The following CEP76 variants were observed in gnomAD, a reference collection of about 807,000 sequenced individuals.
CEP76 encodes centrosomal protein 76.
CEP76 carries 55 observed loss-of-function variants against 83.3 expected under a neutral mutation model. The ratio of observed to expected loss-of-function variants is 0.66; its 90% CI spans 0.53 to 0.83. The LOEUF is 0.83. Among genes scored for constraint, CEP76 ranks in the 40% least tolerant of loss-of-function variants. CEP76 has a pLI of 0.00. For missense variants in CEP76, 694 were observed against 799.5 expected (o/e 0.87, Z 1.59); for synonymous variants, 270 against 274.5 (o/e 0.98, Z 0.16).
Position 12,674,576 on chromosome 18 carries a change from C to T in CEP76, c.1801G>A (p.Val601Met), listed in dbSNP as rs1329590879. ...HTFKGFPIHFVYRNARRAFAT... is the reference protein window; with the variant it reads ...HTFKGFPIHFMYRNARRAFAT... ...AATGCACGTCTTGCATTTCTATACA[C>T]AAAATGTATTGGGAACCCTTTAAAT... Residue 601 changes from valine (V) to methionine (M), a missense_variant, in exon 11 of 12, where the codon GTG becomes ATG. Transcript: ENST00000262127. 1.2e-6 allele frequency: 2 copies of T among 1,613,964 alleles called. No individual in the cohort carries two copies. The highest frequency in any genetic ancestry group is 2.2e-5 in the South Asian group (2 of 91,074).
chr18:12,662,209 T>C, intron 12 of CEP76: 1 of 444,110 alleles, frequency 2.3e-6, no homozygotes, highest in South Asian at 1.6e-5. Flanking sequence ...AAAAACAGCA[T>C]ATTTTTTAAT....
At chr18:12,698,525 C>T (rs1354674865) in intron 4 of CEP76, among the ~76,000 whole-genome samples, 2 of 152,150 alleles carry the variant, frequency 1.3e-5, no homozygotes, top group Non-Finnish European at 2.9e-5. Context: ...GTCTTGAACT[C>T]CTGGCTTCAA....
At chr18:12,688,057 CAT>C (rs1183782618) in intron 7 of CEP76, among the ~76,000 whole-genome samples, 42 of 151,790 alleles carry the variant, frequency 2.8e-4, no homozygotes, top group African/African-American at 9.2e-4. Flanking sequence ...TCCTGGCTAA[CAT>C]GGTGAAACCC....
Position 12,678,380 on chromosome 18 carries a change from TAC to T in CEP76, c.1350_1351del (p.Tyr451ProfsTer22). ...AACACAACCAATTGTTCGATATGGG[TAC>T]AGTGGTTTGGGCTGTTCAGCAACTG... On this transcript the variant is annotated frameshift_variant, in exon 10 of 12. Coordinates refer to ENST00000262127, the MANE Select transcript of CEP76 (RefSeq NM_024899.4). LOFTEE classifies it high-confidence loss of function. 1 of 1,614,160 alleles carries T rather than the reference TAC, an allele frequency of 6.2e-7. No individual in the cohort carries two copies. Among genetic ancestry groups the T allele is most frequent in the Non-Finnish European group, 8.5e-7 (1 of 1,180,034 alleles).
At chr18:12,698,773 A>T in intron 4 of CEP76, 1 of 562,476 alleles carries the variant, frequency 1.8e-6, no homozygotes, top group Non-Finnish European at 3.2e-6. Context: ...GAAAACAGTC[A>T]AAAAATAATA....
rs1430656417 is a variant in CEP76 at position 12,673,374 on chromosome 18, C to T, written c.1971G>A (p.Ser657=). Residue 657 remains serine, a synonymous_variant, in exon 12 of 12, where the codon TCG becomes TCA. Transcript: ENST00000262127. ...TATATAAATATTGGCCCTATAATAC[C>T]GAGCGATATTTACAAGCAAACATGA... The part of the protein sequence containing the change: ...VWIMFACKYR[S]VL The T allele has an allele frequency of 5.6e-6, 9 of 1,603,842 alleles. No individual in the cohort carries two copies. Among genetic ancestry groups the T allele is most frequent in the Admixed American group, 1.7e-5 (1 of 57,862 alleles).
intron 6 of CEP76, among the ~76,000 whole-genome samples, chr18:12,693,253 T>G (rs1257238538): frequency 1.3e-5 from 2 of 152,042 alleles, no homozygotes; most frequent in Admixed American, 1.3e-4. Flanking sequence ...TATAAAATAA[T>G]GTTAAGTTTA....
downstream of CEP76, chr18:12,670,790 G>A (rs2144965747): frequency 6.6e-6 from 1 of 152,058 alleles, no homozygotes; most frequent in East Asian, 1.9e-4. Context: ...TGGGACCACA[G>A]GTGTGCACGA....
At chr18:12,702,266 C>T (rs527799483) in intron 1 of CEP76, among the ~76,000 whole-genome samples, 1 of 152,248 alleles carries the variant, frequency 6.6e-6, no homozygotes, top group Non-Finnish European at 1.5e-5. Flanking sequence ...CGTTCTATCG[C>T]CCCAGACTCT....
downstream of CEP76, among the ~76,000 whole-genome samples, chr18:12,669,410 C>A (rs1303425523): frequency 6.6e-6 from 1 of 151,962 alleles, no homozygotes; most frequent in Non-Finnish European, 1.5e-5. Context: ...CCGCGCCTGG[C>A]CCCAATTTTT....
chr18:12,701,005 G>A lies in CEP76; in HGVS notation c.172C>T (p.Arg58Cys), dbSNP rs927393995. ...STEDLIKALR[R>C]RGIIDDVMKE... ...ATCACATCGTCAATGATTCCTCGACGTCTAAGGGCTTTGATCAAATCTTCT... is the reference window on the plus strand; with the variant it reads ...ATCACATCGTCAATGATTCCTCGACATCTAAGGGCTTTGATCAAATCTTCT... The change falls in exon 2 of 12, where the codon CGT (arginine) becomes TGT (cysteine). Residue 58 changes from arginine to cysteine, a missense_variant. Arg to Cys is a radical substitution (Grantham distance 180). Coordinates refer to ENST00000262127, the MANE Select transcript of CEP76 (RefSeq NM_024899.4). 2 of 1,613,790 alleles carry A rather than the reference G, an allele frequency of 1.2e-6. No homozygotes were observed. The highest frequency in any genetic ancestry group is 8.5e-7 in the Non-Finnish European group (1 of 1,179,820).
intron 7 of CEP76, among the ~76,000 whole-genome samples, chr18:12,690,590 C>T (rs559226039): frequency 2.0e-5 from 3 of 151,974 alleles, no homozygotes; most frequent in South Asian, 2.1e-4. Context: ...CGAGTAGCTG[C>T]GACTATAGGA....
At chr18:12,694,508 C>T (rs1238717752) in intron 6 of CEP76, among the ~76,000 whole-genome samples, 3 of 152,142 alleles carry the variant, frequency 2.0e-5, no homozygotes, top group Non-Finnish European at 4.4e-5. Flanking sequence ...AGTAATTCAT[C>T]AGAGACCTGA....
At chr18:12,691,709 A>ATTTTTTTTT (rs537984227) in intron 6 of CEP76, among the ~76,000 whole-genome samples, 1 of 140,300 alleles carries the variant, frequency 7.1e-6, no homozygotes, top group Non-Finnish European at 1.5e-5. Flanking sequence ...CAAAGACAGA[A>ATTTTTTTTT]TTTTTTTTTT....
intron 11 of CEP76, among the ~76,000 whole-genome samples, chr18:12,673,824 T>G (rs1019372506): frequency 2.0e-5 from 3 of 152,144 alleles, no homozygotes; most frequent in African/African-American, 7.2e-5. Flanking sequence ...GAGGTTGCAG[T>G]GAGCCAAGAA....
At chr18:12,677,618 CAT>C (rs1276458882) in intron 10 of CEP76, among the ~76,000 whole-genome samples, 25 of 152,000 alleles carry the variant, frequency 1.6e-4, no homozygotes, top group African/African-American at 6.0e-4. Flanking sequence ...ACCCAGTATA[CAT>C]ATTTTTTCTT....
rs771255279 is a variant in CEP76, at chr18:12,695,282, G to C, written c.776C>G (p.Thr259Arg). The stretch of plus-strand genomic sequence containing the variant: ...TGTGTTCACTACTTCTTGAGATAAC[G>C]TTTGATTGAGTGGTGGATACATTTC... Reference protein sequence around the residue: ...KLEMYPPLNQTLSQEVVNTQL... With the variant: ...KLEMYPPLNQRLSQEVVNTQL... Residue 259 changes from threonine (T) to arginine (R), a missense_variant, in exon 6 of 12, where the codon ACG (threonine) becomes AGG (arginine). Coordinates refer to ENST00000262127, the MANE Select transcript of CEP76 (RefSeq NM_024899.4). 14 of 1,557,116 alleles carry C rather than the reference G, an allele frequency of 9.0e-6. No homozygotes were observed. The highest frequency in any genetic ancestry group is 1.4e-5 in the African/African-American group (1 of 73,318).
intron 5 of CEP76, among the ~76,000 whole-genome samples, chr18:12,696,027 C>T (rs186186936): frequency 1.8e-4 from 27 of 152,228 alleles, no homozygotes; most frequent in Middle Eastern, 3.4e-3. Flanking sequence ...CACATCAAAA[C>T]GATTTAATGT....
chr18:12,679,618 C>T (rs1323362109), intron 9 of CEP76, among the ~76,000 whole-genome samples: 1 of 152,182 alleles, frequency 6.6e-6, no homozygotes, highest in East Asian at 1.9e-4. Flanking sequence ...AAGTACTCAG[C>T]TGTTTCAAAA....
Sources: gnomAD v4.1 joint callset for allele counts (sites outside exome capture counted in the v4.1 genomes callset) on GRCh38, gnomAD v4.1.1 for gene constraint, MANE v1.5 for transcripts, NCBI Gene and HGNC (gene_info 2026-07-23, HGNC 2026-07-21) for gene names.